The following FAF1 variants were observed in gnomAD, a reference collection of about 807,000 sequenced individuals.
FAF1 encodes the protein FAS-associated factor 1.
FAF1 carries 25 observed loss-of-function variants against 92.5 expected under a neutral mutation model. The ratio of observed to expected loss-of-function variants is 0.27; its 90% CI spans 0.20 to 0.38. The LOEUF (loss-of-function observed/expected upper bound fraction) is 0.38. Among genes scored for constraint, FAF1 ranks in the 10% least tolerant of loss-of-function variants. FAF1 has a pLI of 1.00. For synonymous variants in FAF1, 234 were observed against 273.2 expected, an observed-to-expected ratio of 0.86 and a Z score of 1.42; for missense variants, 636 against 793.3, an observed-to-expected ratio of 0.80 and a Z score of 2.38.
intron 15 of FAF1, among the ~76,000 whole-genome samples, chr1:50,503,255 C>T (rs1054271602): frequency 3.3e-5 from 5 of 152,082 alleles, no homozygotes; most frequent in African/African-American, 4.8e-5. Flanking sequence ...ACAGTAAATG[C>T]CACTGAATTG....
intron 1 of FAF1, among the ~76,000 whole-genome samples, chr1:50,951,059 C>T (rs548303617): frequency 6.6e-6 from 1 of 152,238 alleles, no homozygotes; most frequent in South Asian, 2.1e-4. Flanking sequence ...GGTGAAACCC[C>T]ATCTCCACTA....
intron 15 of FAF1, among the ~76,000 whole-genome samples, chr1:50,496,719 T>C (rs1439216314): frequency 6.6e-6 from 1 of 152,010 alleles, no homozygotes; most frequent in East Asian, 1.9e-4. Context: ...TGGTGAAACA[T>C]GTCTACTAAA....
intron 12 of FAF1, among the ~76,000 whole-genome samples, chr1:50,579,990 C>T (rs937709318): frequency 6.6e-6 from 1 of 152,002 alleles, no homozygotes; most frequent in Non-Finnish European, 1.5e-5. Flanking sequence ...AGGAGAATAT[C>T]ATTATTTTTG....
At chr1:50,759,767 A>G (rs1660247604) in intron 4 of FAF1, among the ~76,000 whole-genome samples, 1 of 152,186 alleles carries the variant, frequency 6.6e-6, no homozygotes, top group East Asian at 1.9e-4. Context: ...CAGTCACACC[A>G]ACAGTGTAAA....
intron 5 of FAF1, among the ~76,000 whole-genome samples, chr1:50,739,722 G>A (rs1173017390): frequency 6.6e-6 from 1 of 152,138 alleles, no homozygotes; most frequent in Non-Finnish European, 1.5e-5. Context: ...TATATAGCCT[G>A]AGAGGTTAGG....
chr1:50,940,698 T>C (rs1645125666), intron 1 of FAF1, among the ~76,000 whole-genome samples: 1 of 152,252 alleles, frequency 6.6e-6, no homozygotes, highest in Admixed American at 6.5e-5. Flanking sequence ...ACAGGTACTT[T>C]CAGTACTTTC....
chr1:50,704,867 T>C (rs1284266203), intron 7 of FAF1, among the ~76,000 whole-genome samples: 4 of 152,194 alleles, frequency 2.6e-5, no homozygotes, highest in African/African-American at 9.6e-5. Flanking sequence ...AAACCATTAA[T>C]AGTCTACAGA....
chr1:50,585,880 T>TAAAAAAAAAAA (rs958484582), intron 9 of FAF1, among the ~76,000 whole-genome samples: 4 of 90,668 alleles, frequency 4.4e-5, no homozygotes, highest in Non-Finnish European at 6.9e-5. Context: ...CATCTCTACA[T>TAAAAAAAAAAA]AAAAAAAAAA....
chr1:50,691,073 CTT>C (rs1656900445), intron 7 of FAF1, among the ~76,000 whole-genome samples: 1 of 152,184 alleles, frequency 6.6e-6, no homozygotes, highest in Non-Finnish European at 1.5e-5. Flanking sequence ...TTTCAATTCT[CTT>C]GTTACATATC....
chr1:50,637,681 A>ATGTGTGTGTGTG (rs142201244), intron 8 of FAF1, among the ~76,000 whole-genome samples: 78 of 137,150 alleles, frequency 5.7e-4, no homozygotes, highest in African/African-American at 1.5e-3. Context: ...ACATATATAT[A>ATGTGTGTGTGTG]TGTGTGTGTG....
intron 2 of FAF1, among the ~76,000 whole-genome samples, chr1:50,830,461 T>C (rs1644142800): frequency 6.6e-6 from 1 of 152,228 alleles, no homozygotes; most frequent in African/African-American, 2.4e-5. Context: ...GTTGTTCTTA[T>C]AAACTTTCTA....
intron 11 of FAF1, 137 bp from the exon 12 acceptor site, chr1:50,582,836 A>G (rs1329611528): frequency 1.7e-6 from 1 of 602,088 alleles, no homozygotes; most frequent in Non-Finnish European, 2.9e-6. Context: ...TTTCTTTAAA[A>G]GCTTGGAAAT....
At chr1:50,707,379 G>GT (rs1423403950) in intron 6 of FAF1, among the ~76,000 whole-genome samples, 2 of 151,928 alleles carry the variant, frequency 1.3e-5, no homozygotes, top group Non-Finnish European at 2.9e-5. Flanking sequence ...TTGAAGCAAG[G>GT]ACCTTTGTCA....
chr1:50,898,847 T>C (rs1374301020), intron 1 of FAF1, among the ~76,000 whole-genome samples: 2 of 152,246 alleles, frequency 1.3e-5, no homozygotes, highest in East Asian at 3.8e-4. Flanking sequence ...TCATGTTCCC[T>C]GTGTTTGGGG....
intron 7 of FAF1, among the ~76,000 whole-genome samples, chr1:50,657,959 G>A (rs557744550): frequency 6.6e-6 from 1 of 152,288 alleles, no homozygotes; most frequent in East Asian, 1.9e-4. Flanking sequence ...TTTATAGTCA[G>A]TCACATCATT....
intron 4 of FAF1, among the ~76,000 whole-genome samples, chr1:50,785,955 G>A (rs1340690185): frequency 6.6e-6 from 1 of 151,724 alleles, no homozygotes; most frequent in Non-Finnish European, 1.5e-5. Flanking sequence ...AAGTAAGTGA[G>A]ACTCCTTCTC....
chr1:50,493,402 G>A (rs764412383), intron 15 of FAF1, among the ~76,000 whole-genome samples: 2 of 152,120 alleles, frequency 1.3e-5, no homozygotes, highest in African/African-American at 2.4e-5. Flanking sequence ...GATATCTCTT[G>A]AATGTAATCA....
At chr1:50,943,882 AG>A (rs1244085184) in intron 1 of FAF1, among the ~76,000 whole-genome samples, 2 of 152,246 alleles carry the variant, frequency 1.3e-5, no homozygotes, top group African/African-American at 4.8e-5. Context: ...CGGAAAAGAG[AG>A]GGTTGTTCAG....
At chr1:50,753,074 T>A (rs1659933315) in intron 4 of FAF1, among the ~76,000 whole-genome samples, 1 of 152,182 alleles carries the variant, frequency 6.6e-6, no homozygotes, top group Non-Finnish European at 1.5e-5. Context: ...TTTAATAAGT[T>A]TAAACAATTG....
Sources: allele counts gnomAD v4.1 joint callset (sites outside exome capture counted in the v4.1 genomes callset), GRCh38; gene constraint gnomAD v4.1.1; transcripts MANE v1.5; gene names NCBI Gene and HGNC (gene_info 2026-07-23, HGNC 2026-07-21).